Variants in PLD1 observed in about 807,000 individuals in gnomAD.
PLD1 encodes the protein choline phosphatase 1.
In PLD1, 112 loss-of-function variants were observed where a neutral mutation model predicts 137.1. The ratio of observed to expected loss-of-function variants is 0.82; its 90% CI spans 0.70 to 0.96. PLD1 has a LOEUF of 0.96. Among genes scored for constraint, PLD1 ranks in the 40% least tolerant of loss-of-function variants. The probability of loss-of-function intolerance (pLI) is 0.00; values close to 1 mark genes in which losing one functional copy is unlikely to be tolerated. For synonymous variants in PLD1, 431 were observed against 454.7 expected (o/e 0.95, Z 0.66); for missense variants, 1,321 against 1,342.0 (o/e 0.98, Z 0.24).
chr3:171,703,486 G>T (rs761879905), intron 11 of PLD1, among the ~76,000 whole-genome samples: 3 of 152,100 alleles, frequency 2.0e-5, no homozygotes, highest in Non-Finnish European at 4.4e-5. Context: ...ATTTAGCAAG[G>T]TCACAAGCTA....
rs576159793 is a variant in PLD1 at position 171,614,254 on chromosome 3, A to C, written c.2729-1822T>G. Among the ~76,000 whole-genome samples the C allele has an allele frequency of 2.0e-5, 3 of 152,306 alleles. No homozygotes were observed. In the South Asian group the frequency reaches 6.2e-4, roughly 32 times the overall value. Reference sequence around the variant, plus strand: ...TGCTGCTGAAAAGTGGGAACCTTTGAAACACTTTGTTTTGTTAGCACCAAA... The same window carrying C: ...TGCTGCTGAAAAGTGGGAACCTTTGCAACACTTTGTTTTGTTAGCACCAAA... On this transcript the variant is annotated intron_variant, in intron 24 of 26. Coordinates refer to ENST00000351298, the MANE Select transcript of PLD1 (RefSeq NM_002662.5).
intron 1 of PLD1, among the ~76,000 whole-genome samples, chr3:171,774,735 A>T (rs1324937675): frequency 6.6e-6 from 1 of 152,212 alleles, no homozygotes; most frequent in Non-Finnish European, 1.5e-5. Context: ...TTGTCAAGCC[A>T]GCTCGGGGCT....
intron 1 of PLD1, among the ~76,000 whole-genome samples, chr3:171,790,534 T>G (rs1723173697): frequency 6.6e-6 from 1 of 152,186 alleles, no homozygotes; most frequent in South Asian, 2.1e-4. Context: ...TGAGTTAATT[T>G]TTCAAAAAAT....
chr3:171,709,439 C>T (rs1560238352), intron 10 of PLD1, 121 bp downstream of exon 10: 1 of 695,408 alleles, frequency 1.4e-6, no homozygotes, highest in East Asian at 2.7e-5. Context: ...AAAAGAGAAG[C>T]CCTTGTTAAG....
At chr3:171,737,258 T>G (rs955017871) in intron 3 of PLD1, among the ~76,000 whole-genome samples, 1 of 152,248 alleles carries the variant, frequency 6.6e-6, no homozygotes, top group Non-Finnish European at 1.5e-5. Flanking sequence ...AGAGGCACTT[T>G]GCAATTTATT....
chr3:171,635,074 G>T (rs527285332), intron 23 of PLD1, among the ~76,000 whole-genome samples: 1 of 152,108 alleles, frequency 6.6e-6, no homozygotes, highest in Non-Finnish European at 1.5e-5. Flanking sequence ...GGTCTTCGAG[G>T]TTCATCTGTG....
chr3:171,720,562 G>A (rs1328327701), intron 8 of PLD1, among the ~76,000 whole-genome samples: 3 of 148,952 alleles, frequency 2.0e-5, no homozygotes, highest in East Asian at 3.9e-4. Flanking sequence ...CAGCCTAGGC[G>A]ACAGAGCAAG....
chr3:171,738,180 C>T, intron 1 of PLD1, 98 bp from the exon 2 acceptor site: 1 of 656,470 alleles, frequency 1.5e-6, no homozygotes, highest in Non-Finnish European at 2.5e-6. Flanking sequence ...CATATGGAAA[C>T]AATTCAGCCT....
At chr3:171,700,713 T>C (rs919586337) in intron 11 of PLD1, among the ~76,000 whole-genome samples, 2 of 152,176 alleles carry the variant, frequency 1.3e-5, no homozygotes, top group Non-Finnish European at 2.9e-5. Flanking sequence ...AACCTGGGGC[T>C]TTCTGGACAG....
chr3:171,765,757 G>T (rs1315797472), intron 1 of PLD1, among the ~76,000 whole-genome samples: 2 of 152,144 alleles, frequency 1.3e-5, no homozygotes, highest in African/African-American at 4.8e-5. Flanking sequence ...CCCTTCTAAG[G>T]ATTGTCTTGG....
At chr3:171,642,596 T>C (rs1362014606) in intron 23 of PLD1, among the ~76,000 whole-genome samples, 1 of 151,428 alleles carries the variant, frequency 6.6e-6, no homozygotes, top group Admixed American at 6.6e-5. Context: ...CAACTATATA[T>C]AAATAAAAAT....
At chr3:171,804,791 C>G (rs1036737600) in intron 1 of PLD1, among the ~76,000 whole-genome samples, 1 of 152,346 alleles carries the variant, frequency 6.6e-6, no homozygotes, top group Non-Finnish European at 1.5e-5. Context: ...AAGGAAAGAT[C>G]ATCTCCAACT....
chr3:171,773,874 G>A (rs967680598), intron 1 of PLD1, among the ~76,000 whole-genome samples: 10 of 151,828 alleles, frequency 6.6e-5, no homozygotes, highest in Admixed American at 5.9e-4. Context: ...TCAGCCTCCC[G>A]AGTAGCTGGG....
At chr3:171,646,341 T>G (rs1736209454) in intron 21 of PLD1, among the ~76,000 whole-genome samples, 1 of 152,200 alleles carries the variant, frequency 6.6e-6, no homozygotes, top group South Asian at 2.1e-4. Flanking sequence ...AACAACTAAA[T>G]TTTTCTTTCA....
intron 1 of PLD1, among the ~76,000 whole-genome samples, chr3:171,760,333 T>C (rs1374356147): frequency 5.3e-5 from 8 of 152,206 alleles, no homozygotes; most frequent in Admixed American, 5.2e-4. Flanking sequence ...CTTCATCTAG[T>C]GATAACTAGA....
intron 9 of PLD1, 113 bp downstream of exon 9, chr3:171,713,780 T>G: frequency 2.3e-6 from 2 of 878,532 alleles, no homozygotes; most frequent in Non-Finnish European, 3.6e-6. Context: ...GAGGATGAGC[T>G]CTAAATTACA....
At chr3:171,688,918 T>G (rs1426775610) in intron 13 of PLD1, 42 bp from the exon 14 acceptor site, 1 of 1,437,470 alleles carries the variant, frequency 7.0e-7, no homozygotes, top group Non-Finnish European at 9.8e-7. Flanking sequence ...GCTTTTGAAA[T>G]GTCCTTCCTG....
chr3:171,627,846 G>A (rs1041382638), intron 23 of PLD1, among the ~76,000 whole-genome samples: 3 of 152,058 alleles, frequency 2.0e-5, no homozygotes, highest in Non-Finnish European at 2.9e-5. Context: ...GAATCTCTGG[G>A]ACACATTCAA....
chr3:171,771,053 C>A (rs950386572), intron 1 of PLD1: 2 of 152,060 alleles, frequency 1.3e-5, no homozygotes, highest in Admixed American at 1.3e-4. Context: ...AGAAACATAA[C>A]CCCCTAAACC....
Sources: allele counts gnomAD v4.1 joint callset (sites outside exome capture counted in the v4.1 genomes callset), GRCh38; gene constraint gnomAD v4.1.1; transcripts MANE v1.5; gene names NCBI Gene and HGNC (gene_info 2026-07-23, HGNC 2026-07-21).